The following VRK3 variants were observed in gnomAD, a reference collection of about 807,000 sequenced individuals.
The protein encoded by VRK3 is VRK serine/threonine kinase 3.
VRK3 carries 50 observed loss-of-function variants against 60.4 expected under a neutral mutation model. The observed-to-expected ratio is 0.83, with a 90% CI of 0.66 to 1.05. VRK3 has a LOEUF of 1.05. Among genes scored for constraint, VRK3 ranks in the 50% least tolerant of loss-of-function variants. The pLI, the probability that VRK3 is intolerant of heterozygous loss-of-function variation, is 0.00. For synonymous variants in VRK3, 246 were observed against 227.8 expected (o/e 1.08, Z -0.72); for missense variants, 549 against 585.3 (o/e 0.94, Z 0.64).
Position 49,979,078 on chromosome 19 carries a change from C to A in VRK3, c.*11+5G>T. 1 of 1,593,408 alleles carries A rather than the reference C, an allele frequency of 6.3e-7. No individual in the cohort carries two copies. Among genetic ancestry groups the A allele is most frequent in the Non-Finnish European group, 8.6e-7 (1 of 1,167,682 alleles). On this transcript the variant is annotated splice_donor_5th_base_variant and intron_variant, in intron 14 of 14. Transcript: ENST00000316763. ...AGAGGCTTAAGCCTCACAAGCTCTTCCCACCTGGATTCCACCTAGGGCACC... is the reference window on the plus strand; with the variant it reads ...AGAGGCTTAAGCCTCACAAGCTCTTACCACCTGGATTCCACCTAGGGCACC...
chr19:49,992,884 A>T lies in VRK3; in HGVS notation c.939T>A (p.Phe313Leu). 1.2e-6 allele frequency: 2 copies of T among 1,614,076 alleles called. No individual in the cohort carries two copies. Among genetic ancestry groups the T allele is most frequent in the Non-Finnish European group, 1.7e-6 (2 of 1,180,036 alleles). ...VHGNVTAENI[F>L]VDPEDQSQVT... ...CCTGACTCTGGTCCTCTGGATCCAC[A>T]AAGATATTTTCAGCTGTCACATTTC... Residue 313 changes from phenylalanine to leucine, a missense_variant, in exon 10 of 15, where the codon TTT becomes TTA. Coordinates refer to ENST00000316763, the MANE Select transcript of VRK3 (RefSeq NM_016440.4).
intron 3 of VRK3, among the ~76,000 whole-genome samples, 193 bp from the exon 4 acceptor site, chr19:50,009,578 G>T (rs377606006): frequency 8.5e-5 from 13 of 152,178 alleles, no homozygotes; most frequent in African/African-American, 2.6e-4. Context: ...TTAGGTCTTT[G>T]CCTCTCTTGT....
intron 2 of VRK3, among the ~76,000 whole-genome samples, chr19:50,017,194 TCAAA>T (rs1170068038): frequency 1.3e-5 from 2 of 151,354 alleles, no homozygotes; most frequent in Non-Finnish European, 2.9e-5. Flanking sequence ...AAACTCTGTC[TCAAA>T]CAAACAAAAC....
At chr19:50,000,992 C>T (rs1455757557) in intron 5 of VRK3, 138 bp from the exon 6 acceptor site, 7 of 699,490 alleles carry the variant, frequency 1.0e-5, no homozygotes, top group South Asian at 9.6e-5. Flanking sequence ...GCTCTCACGA[C>T]TTGCTGCTTC....
rs758302759 is a variant in VRK3 at position 49,979,291 on chromosome 19, C to G, written c.1277-49G>C. The G allele has an allele frequency of 5.0e-6, 8 of 1,612,776 alleles. No homozygotes were observed. The East Asian group carries it at 1.6e-4, about 31-fold the overall frequency. On this transcript the variant is annotated intron_variant, in intron 13 of 14. Coordinates refer to ENST00000316763, the MANE Select transcript of VRK3 (RefSeq NM_016440.4). Reference sequence around the variant, plus strand: ...AAGGGAGAGCCTGAGAGGCATCCCCCAACCCCGATCCTGGGGGTCTCCACC... The same window carrying G: ...AAGGGAGAGCCTGAGAGGCATCCCCGAACCCCGATCCTGGGGGTCTCCACC...
At chr19:49,977,600 C>A (rs561169429) in intron 14 of VRK3, among the ~76,000 whole-genome samples, 6 of 152,194 alleles carry the variant, frequency 3.9e-5, no homozygotes, top group African/African-American at 1.2e-4. Context: ...CGCGACCCTG[C>A]CCTGGAGGAG....
intron 9 of VRK3, 105 bp downstream of exon 9, chr19:49,994,709 C>A (rs570442587): frequency 9.8e-7 from 1 of 1,020,378 alleles, no homozygotes; most frequent in Non-Finnish European, 1.4e-6. Flanking sequence ...CAGTGTGCAG[C>A]GGAGGGGGGT....
chr19:50,010,837 C>T (rs552120838), intron 3 of VRK3, among the ~76,000 whole-genome samples: 10 of 152,112 alleles, frequency 6.6e-5, no homozygotes, highest in African/African-American at 9.7e-5. Context: ...CGCTTGAACA[C>T]GGGAGGTGGA....
chr19:49,983,259 C>T lies in VRK3; in HGVS notation c.1218-2246G>A, dbSNP rs892917026. ...CTAGGCCCACGAGGCCACACATCCA[C>T]GCACGTATGCCTCTGCACATATCGC... On this transcript the variant is annotated intron_variant, in intron 12 of 14. Transcript: ENST00000316763. Among the ~76,000 whole-genome samples the T allele has an allele frequency of 1.7e-3, 265 of 152,276 alleles. 1 individual carries two copies. Among genetic ancestry groups the T allele is most frequent in the African/African-American group, 6.1e-3 (254 of 41,550 alleles).
intron 7 of VRK3, 153 bp downstream of exon 7, chr19:49,997,351 G>C: frequency 1.4e-6 from 1 of 722,704 alleles, no homozygotes; most frequent in South Asian, 2.0e-5. Context: ...GGCCTGAGGG[G>C]TCACAGGAGT....
In VRK3 at chr19:49,981,006, C is replaced by G. The variant is rs2076412831; in HGVS notation, c.1225G>C (p.Asp409His). ...DIMKQKQKFV[D>H]KPGPFVGPCG... ...GGTCCCACGAAGGGCCCCGGCTTAT[C>G]AACAAACCTGAAGGGACAGAAACAC... is the stretch of plus-strand genomic sequence containing the variant. The change falls in exon 13 of 15, where the codon GAT (aspartate) becomes CAT (histidine). Residue 409 changes from aspartate (D) to histidine (H), a missense_variant. Asp to His is a moderately conservative substitution (Grantham distance 81). Coordinates refer to ENST00000316763, the MANE Select transcript of VRK3 (RefSeq NM_016440.4). 6.2e-7 allele frequency: 1 copy of G among 1,612,238 alleles called. No individual in the cohort carries two copies. Among genetic ancestry groups the G allele is most frequent in the African/African-American group, 1.3e-5 (1 of 74,868 alleles).
rs781055882 is a variant in VRK3, at chr19:49,994,794, A to G, written c.870+20T>C. The stretch of plus-strand genomic sequence containing the variant: ...TGTGCCCTCCCTGACGCGGCAGCTG[A>G]GCAACTTCTGGGTACGCACCAGCCG... On this transcript the variant is annotated intron_variant, in intron 9 of 14. Transcript: ENST00000316763. 3 of 1,606,088 alleles carry G rather than the reference A, an allele frequency of 1.9e-6. No individual in the cohort carries two copies. The South Asian group carries it at 3.3e-5, about 18-fold the overall frequency.
chr19:50,023,171 G>A (rs764040378), intron 1 of VRK3, among the ~76,000 whole-genome samples: 1 of 152,098 alleles, frequency 6.6e-6, no homozygotes, highest in Non-Finnish European at 1.5e-5. Flanking sequence ...TCTTGGACAC[G>A]ATTTTACTGT....
intron 3 of VRK3, among the ~76,000 whole-genome samples, chr19:50,013,843 G>A (rs2077033692): frequency 6.6e-6 from 1 of 152,182 alleles, no homozygotes. Flanking sequence ...GTATTTAATA[G>A]GGTTGAGACA....
intron 11 of VRK3, 50 bp downstream of exon 11, chr19:49,989,589 T>C: frequency 6.4e-7 from 1 of 1,564,302 alleles, no homozygotes; most frequent in Non-Finnish European, 8.7e-7. Flanking sequence ...GAGCTGCCCT[T>C]GTATAAGAAG....
chr19:50,017,510 G>A, intron 2 of VRK3, among the ~76,000 whole-genome samples: 1 of 141,152 alleles, frequency 7.1e-6, no homozygotes, highest in East Asian at 2.1e-4. Flanking sequence ...GGAGGCAGAG[G>A]TTGTGGTGAG....
intron 9 of VRK3, among the ~76,000 whole-genome samples, chr19:49,993,918 CT>C (rs1421211896): frequency 2.0e-5 from 3 of 152,120 alleles, no homozygotes; most frequent in East Asian, 1.9e-4. Context: ...CATATGGCCC[CT>C]GAGGGCCTTT....
intron 10 of VRK3, among the ~76,000 whole-genome samples, chr19:49,991,248 T>C (rs2076606778): frequency 6.6e-6 from 1 of 152,140 alleles, no homozygotes; most frequent in South Asian, 2.1e-4. Flanking sequence ...TTAATGTGGG[T>C]GGGTCTCATT....
At chr19:50,017,429 C>A (rs1006970485) in intron 2 of VRK3, among the ~76,000 whole-genome samples, 1 of 151,246 alleles carries the variant, frequency 6.6e-6, no homozygotes, top group Non-Finnish European at 1.5e-5. Context: ...ATAAAATTAG[C>A]CAGGCGTGGT....
Sources: gnomAD v4.1 joint callset for allele counts (sites outside exome capture counted in the v4.1 genomes callset) on GRCh38, gnomAD v4.1.1 for gene constraint, MANE v1.5 for transcripts, NCBI Gene and HGNC (gene_info 2026-07-23, HGNC 2026-07-21) for gene names.